Variants in EEIG2 observed in about 807,000 individuals in gnomAD.
The protein encoded by EEIG2 is EEIG family member 2.
At chr1:108,600,181 G>A in the EEIG2 span, among the ~76,000 whole-genome samples, 1 of 152,152 alleles carries the variant, frequency 6.6e-6, no homozygotes, top group Non-Finnish European at 1.5e-5. Flanking sequence ...TCATATTTAT[G>A]CCTCTTGCAT....
At chr1:108,600,440 C>T in the EEIG2 span, 17 of 1,081,958 alleles carry the variant, frequency 1.6e-5, no homozygotes, top group Non-Finnish European at 2.0e-5. Flanking sequence ...TCCTGCTACA[C>T]TGTTTACAAA....
the EEIG2 span, chr1:108,606,313 G>A: frequency 8.3e-7 from 1 of 1,206,486 alleles, no homozygotes; most frequent in Admixed American, 2.4e-5. Flanking sequence ...CTATTTATAG[G>A]CTTAAAAATT....
chr1:108,628,078 G>A, the EEIG2 span: 1 of 1,105,434 alleles, frequency 9.0e-7, no homozygotes, highest in South Asian at 1.3e-5. Flanking sequence ...AATGAACTTG[G>A]CAGAGTTTAT....
chr1:108,628,583 A>G, the EEIG2 span: 1 of 1,600,730 alleles, frequency 6.2e-7, no homozygotes, highest in Non-Finnish European at 8.5e-7. Flanking sequence ...AAAACTCAGC[A>G]GGTATCCTTT....
At chr1:108,634,958 A>G in the EEIG2 span, 1 of 656,358 alleles carries the variant, frequency 1.5e-6, no homozygotes, top group Non-Finnish European at 2.7e-6. Flanking sequence ...TATTTCACAT[A>G]GTTTCTATCC....
the EEIG2 span, among the ~76,000 whole-genome samples, chr1:108,574,439 T>A: frequency 6.6e-6 from 1 of 152,202 alleles, no homozygotes; most frequent in African/African-American, 2.4e-5. Context: ...TGGACACTAC[T>A]GAACTGTATA....
At chr1:108,637,391 C>A in the EEIG2 span, 1 of 151,974 alleles carries the variant, frequency 6.6e-6, no homozygotes, top group Non-Finnish European at 1.5e-5. Context: ...GCAGTCCTTT[C>A]AAAATACTCG....
chr1:108,598,873 A>G, the EEIG2 span, among the ~76,000 whole-genome samples: 1 of 152,126 alleles, frequency 6.6e-6, no homozygotes, highest in Admixed American at 6.5e-5. Context: ...TACACCTGTA[A>G]TCCTAGCACT....
At chr1:108,601,510 A>G in the EEIG2 span, among the ~76,000 whole-genome samples, 4 of 151,208 alleles carry the variant, frequency 2.6e-5, no homozygotes, top group African/African-American at 9.7e-5. Context: ...AGTATTATAT[A>G]AAAGAAGCCA....
At chr1:108,599,453 T>G in the EEIG2 span, among the ~76,000 whole-genome samples, 35 of 152,304 alleles carry the variant, frequency 2.3e-4, no homozygotes, top group Admixed American at 1.1e-3. Context: ...CTCTTTCCTA[T>G]GTTAGAGGAA....
chr1:108,560,284 C>A, the EEIG2 span: 1 of 436,694 alleles, frequency 2.3e-6, no homozygotes, highest in Non-Finnish European at 3.0e-6. Flanking sequence ...CGGCCCCGGC[C>A]GCGGCCGGCC....
At chr1:108,638,903 C>T in the EEIG2 span, 5 of 152,282 alleles carry the variant, frequency 3.3e-5, no homozygotes, top group African/African-American at 1.2e-4. Flanking sequence ...ACTCCCCATA[C>T]AACAAAGCTG....
At chr1:108,560,246 C>T in the EEIG2 span, 1 of 194,436 alleles carries the variant, frequency 5.1e-6, no homozygotes, top group Non-Finnish European at 9.1e-6. Context: ...CGCGTTCCGG[C>T]CCAGGCTGCC....
chr1:108,613,308 A>T, the EEIG2 span, among the ~76,000 whole-genome samples: 631 of 152,318 alleles, frequency 4.1e-3, 2 homozygotes, highest in African/African-American at 0.014. Context: ...ACGGATGAGG[A>T]TAGATTGTTA....
the EEIG2 span, among the ~76,000 whole-genome samples, chr1:108,596,192 A>G: frequency 4.6e-5 from 7 of 151,300 alleles, no homozygotes; most frequent in African/African-American, 1.7e-4. Flanking sequence ...TTTTTTTAGC[A>G]ATTAGGAAAA....
chr1:108,575,668 G>A, the EEIG2 span, among the ~76,000 whole-genome samples: 4 of 152,200 alleles, frequency 2.6e-5, no homozygotes, highest in Non-Finnish European at 5.9e-5. Flanking sequence ...CAACAACATG[G>A]ATGAAGCTTG....
At chr1:108,612,776 T>C in the EEIG2 span, among the ~76,000 whole-genome samples, 3 of 152,234 alleles carry the variant, frequency 2.0e-5, no homozygotes, top group East Asian at 5.8e-4. Context: ...TGCGAATGTA[T>C]ACTTCATAGA....
At chr1:108,606,771 A>G in the EEIG2 span, among the ~76,000 whole-genome samples, 1 of 152,138 alleles carries the variant, frequency 6.6e-6, no homozygotes, top group Non-Finnish European at 1.5e-5. Flanking sequence ...CCATCAATCC[A>G]GTCACCTGAA....
At chr1:108,628,717 C>T in the EEIG2 span, 1 of 1,612,948 alleles carries the variant, frequency 6.2e-7, no homozygotes, top group South Asian at 1.1e-5. Flanking sequence ...TCAGCTGAAG[C>T]GAGTTGATGA....
Sources: allele counts gnomAD v4.1 joint callset (sites outside exome capture counted in the v4.1 genomes callset), GRCh38; gene constraint gnomAD v4.1.1; transcripts MANE v1.5; gene names NCBI Gene and HGNC (gene_info 2026-07-23, HGNC 2026-07-21).